ERI1: variants seen among roughly 807,000 people sequenced by gnomAD.
ERI1 encodes 3'-5' exoribonuclease 1.
ERI1 carries 39 observed loss-of-function variants against 39.7 expected under a neutral mutation model. The observed-to-expected ratio is 0.98, with a 90% CI of 0.76 to 1.28. The LOEUF is 1.28. Among genes scored for constraint, ERI1 ranks in the 50% most tolerant of loss-of-function variants. The probability of loss-of-function intolerance (pLI) is 0.00; values close to 1 mark genes in which losing one functional copy is unlikely to be tolerated. For missense variants in ERI1, 581 were observed against 416.9 expected, an observed-to-expected ratio of 1.39 and a Z score of -3.43; for synonymous variants, 204 against 149.6, an observed-to-expected ratio of 1.36 and a Z score of -2.65.
At chr8:9,014,217 G>A (rs144870930) in intron 3 of ERI1, among the ~76,000 whole-genome samples, 4 of 152,138 alleles carry the variant, frequency 2.6e-5, no homozygotes, top group Non-Finnish European at 5.9e-5. Context: ...AAAAATGCCA[G>A]GCATGCTTTA....
In ERI1 at chr8:9,032,591, C is replaced by G. The variant is rs952210442; in HGVS notation, c.*2557C>G. On this transcript the variant is annotated 3_prime_UTR_variant, in exon 7 of 7. Transcript: ENST00000250263. ...GATTGAAACAAAAAAACACAGGCGT[C>G]ACAAGCATGTTACCTATTAAGAGAG... 6.6e-6 allele frequency: 1 copy of G among 152,154 alleles called. No individual in the cohort carries two copies. Among genetic ancestry groups the G allele is most frequent in the East Asian group, 1.9e-4 (1 of 5,206 alleles). The allele number at this position is 152,154 out of a possible 1,614,324, so 9.4% of individuals were successfully genotyped here. A position where few individuals can be genotyped will look rare whatever the true frequency, so the allele number is the denominator to read the frequency against.
At chr8:9,028,921 G>A (rs1415763985) in intron 6 of ERI1, among the ~76,000 whole-genome samples, 1 of 150,558 alleles carries the variant, frequency 6.6e-6, no homozygotes, top group African/African-American at 2.4e-5. Flanking sequence ...ACCACACCCA[G>A]CCAATAATTC....
At chr8:9,034,433 G>A (rs1206614623), downstream of ERI1, among the ~76,000 whole-genome samples, 1 of 152,140 alleles carries the variant, frequency 6.6e-6, no homozygotes, top group African/African-American at 2.4e-5. Context: ...TTTCCCAACA[G>A]CATACTTTCA....
chr8:9,011,622 C>T lies in ERI1; in HGVS notation c.368C>T (p.Ala123Val), dbSNP rs1050971273. ...QKLMLKESNF[A>V]DSYYDYICII... ...CTGATGCTGAAAGAGAGCAATTTTG[C>T]TGACAGTTATTATGACTACATTTGT... Residue 123 changes from alanine to valine, a missense_variant, in exon 3 of 7, where the codon GCT (alanine) becomes GTT (valine). Physicochemically the swap from Ala to Val is moderately conservative, Grantham distance 64. Coordinates refer to ENST00000250263, the MANE Select transcript of ERI1 (RefSeq NM_153332.4). 1 of 1,613,254 alleles carries T rather than the reference C, an allele frequency of 6.2e-7. No individual in the cohort carries two copies. Among genetic ancestry groups the T allele is most frequent in the African/African-American group, 1.3e-5 (1 of 74,912 alleles).
At chr8:9,016,222 C>T in intron 3 of ERI1, 100 bp from the exon 4 acceptor site, 1 of 554,832 alleles carries the variant, frequency 1.8e-6, no homozygotes, top group Non-Finnish European at 3.2e-6. Flanking sequence ...GCCGTGAGAT[C>T]CTATGAAATT....
At chr8:9,036,675 G>C (rs896795771), downstream of ERI1, among the ~76,000 whole-genome samples, 2 of 152,092 alleles carry the variant, frequency 1.3e-5, no homozygotes, top group Non-Finnish European at 2.9e-5. Flanking sequence ...TCAAGAGCAA[G>C]TTTAGAATAC....
chr8:9,011,916 A>G (rs1483243532), intron 3 of ERI1, among the ~76,000 whole-genome samples, 164 bp downstream of exon 3: 1 of 152,222 alleles, frequency 6.6e-6, no homozygotes, highest in Non-Finnish European at 1.5e-5. Context: ...GAAAAGCTGT[A>G]ACAAAGCAAT....
intron 3 of ERI1, among the ~76,000 whole-genome samples, chr8:9,063,393 AG>A (rs1474978144): frequency 2.6e-5 from 4 of 152,158 alleles, no homozygotes; most frequent in Non-Finnish European, 5.9e-5. Flanking sequence ...ATTGCTGGGC[AG>A]GTGGGGGAGG....
intron 4 of ERI1, among the ~76,000 whole-genome samples, chr8:9,017,621 C>T (rs1817447924): frequency 6.6e-6 from 1 of 152,110 alleles, no homozygotes; most frequent in Non-Finnish European, 1.5e-5. Flanking sequence ...AAAACATCCT[C>T]AAGTTGATGA....
At position 9,078,476 on chromosome 8, in the gene ERI1, G is replaced by C. The variant is rs563204155; in HGVS notation, n.300-37872G>C. Among the ~76,000 whole-genome samples the C allele has an allele frequency of 3.9e-5, 6 of 152,274 alleles. No homozygotes were observed. In the South Asian group the frequency reaches 1.2e-3, roughly 32 times the overall value. ...ATAGAGCTAATACTTGGTAAGGTTGGAATTCAAACTCAAGTTTTTTAACCC... is the reference window on the plus strand; with the variant it reads ...ATAGAGCTAATACTTGGTAAGGTTGCAATTCAAACTCAAGTTTTTTAACCC... On this transcript the variant is annotated intron_variant and non_coding_transcript_variant, in intron 3 of 3. Transcript: ENST00000518663.
In ERI1 at chr8:9,030,196, T is replaced by TA. The variant is rs1563338458; in HGVS notation, c.*163dup. On this transcript the variant is annotated 3_prime_UTR_variant, in exon 7 of 7. Coordinates refer to ENST00000250263, the MANE Select transcript of ERI1 (RefSeq NM_153332.4). ...GATACATGTATGTGAACAGATTTTG[T>TA]AGGAAGGCATACTGAATTCTTTGTC... 2 of 915,220 alleles carry TA rather than the reference T, an allele frequency of 2.2e-6. No individual in the cohort carries two copies. Among genetic ancestry groups the TA allele is most frequent in the Non-Finnish European group, 3.2e-6 (2 of 625,972 alleles). 56.7% of individuals were successfully genotyped at this position (915,220 alleles called of 1,614,324 possible).
intron 3 of ERI1, among the ~76,000 whole-genome samples, chr8:9,063,441 G>A (rs1357856581): frequency 1.3e-5 from 2 of 152,196 alleles, no homozygotes; most frequent in African/African-American, 4.8e-5. Flanking sequence ...CAGACCGGGT[G>A]TGAGGAGGGG....
chr8:9,034,509 T>C (rs975663442), downstream of ERI1, among the ~76,000 whole-genome samples: 3 of 149,650 alleles, frequency 2.0e-5, no homozygotes, highest in South Asian at 2.1e-4. Context: ...TTATCTCTCT[T>C]AGGGTGATTT....
At chr8:9,061,964 T>G (rs79998841) in intron 3 of ERI1, among the ~76,000 whole-genome samples, 5 of 151,880 alleles carry the variant, frequency 3.3e-5, no homozygotes, top group Non-Finnish European at 5.9e-5. Context: ...AGGGAGGCAT[T>G]GAGGATAGGA....
At chr8:9,007,932 ATCCTTTTTTTT>A (rs761560434) in intron 1 of ERI1, 27 bp from the exon 2 acceptor site, 53 of 1,529,372 alleles carry the variant, frequency 3.5e-5, no homozygotes, top group Admixed American at 1.4e-4. Flanking sequence ...TATAAACTAC[ATCCTTTTTTTT>A]TTTTTTTTTT....
At chr8:9,020,524 A>G (rs1179304093) in intron 6 of ERI1, 60 bp downstream of exon 6, 10 of 1,070,940 alleles carry the variant, frequency 9.3e-6, no homozygotes, top group South Asian at 6.0e-5. Flanking sequence ...TAAAATTTGC[A>G]TGTACGTTAG....
At chr8:9,057,990 G>A (rs185539445) in intron 3 of ERI1, among the ~76,000 whole-genome samples, 57 of 152,310 alleles carry the variant, frequency 3.7e-4, no homozygotes, top group East Asian at 1.9e-4. Flanking sequence ...CTTGGGGGCC[G>A]TTGCAAGCAT....
chr8:9,041,015 G>A (rs1162602693), intron 3 of ERI1, among the ~76,000 whole-genome samples: 1 of 152,176 alleles, frequency 6.6e-6, no homozygotes, highest in Non-Finnish European at 1.5e-5. Context: ...TAATGAGACC[G>A]TTTTCAGTGC....
chr8:9,093,712 C>A (rs959905635), intron 3 of ERI1, among the ~76,000 whole-genome samples: 1 of 152,122 alleles, frequency 6.6e-6, no homozygotes, highest in Admixed American at 6.5e-5. Flanking sequence ...GGATTACAGG[C>A]ACATGCCACC....
Sources: gnomAD v4.1 joint callset for allele counts (sites outside exome capture counted in the v4.1 genomes callset) on GRCh38, gnomAD v4.1.1 for gene constraint, MANE v1.5 for transcripts, NCBI Gene and HGNC (gene_info 2026-07-23, HGNC 2026-07-21) for gene names.